Variants in RBFOX1 observed in about 807,000 individuals in gnomAD.
RBFOX1 encodes the protein RNA binding fox-1 homolog 1.
RBFOX1 carries 8 observed loss-of-function variants against 57.7 expected under a neutral mutation model. That is an observed-to-expected ratio of 0.14 (90% CI 0.08 to 0.25). RBFOX1 has a LOEUF of 0.25. Among genes scored for constraint, RBFOX1 ranks in the 10% least tolerant of loss-of-function variants. The pLI is 1.00. For synonymous variants in RBFOX1, 326 were observed against 222.4 expected (o/e 1.47, Z -4.15); for missense variants, 611 against 548.5 (o/e 1.11, Z -1.14).
At chr16:5,382,670 A>G (rs2066160036) in intron 1 of RBFOX1, among the ~76,000 whole-genome samples, 1 of 152,182 alleles carries the variant, frequency 6.6e-6, no homozygotes, top group African/African-American at 2.4e-5. Flanking sequence ...CTTCAATGAA[A>G]TTGTGCTGAC....
chr16:6,994,990 A>C (rs1038755268), intron 3 of RBFOX1, among the ~76,000 whole-genome samples: 1 of 140,840 alleles, frequency 7.1e-6, no homozygotes, highest in Non-Finnish European at 1.5e-5. Flanking sequence ...ATTGTATTTA[A>C]AAATGTGTTT....
intron 4 of RBFOX1, among the ~76,000 whole-genome samples, chr16:7,369,415 TCTCA>T (rs1463039377): frequency 6.6e-6 from 1 of 152,024 alleles, no homozygotes; most frequent in African/African-American, 2.4e-5. Flanking sequence ...TCATCTCTCC[TCTCA>T]CTATTAATTC....
chr16:6,799,513 G>C (rs557401549), intron 3 of RBFOX1, among the ~76,000 whole-genome samples: 1 of 152,130 alleles, frequency 6.6e-6, no homozygotes, highest in African/African-American at 2.4e-5. Flanking sequence ...GATGCCTAGA[G>C]AGCTGGTGAA....
intron 3 of RBFOX1, among the ~76,000 whole-genome samples, chr16:7,013,948 G>A (rs891089810): frequency 2.0e-5 from 3 of 152,106 alleles, no homozygotes; most frequent in Non-Finnish European, 2.9e-5. Context: ...TTGAGCCACG[G>A]CGCTTGGCTA....
chr16:5,632,924 G>T (rs918983411), intron 3 of RBFOX1, among the ~76,000 whole-genome samples: 4 of 145,046 alleles, frequency 2.8e-5, no homozygotes, highest in African/African-American at 7.7e-5. Context: ...TCCTGGGCTT[G>T]CAATCTTAAC....
At chr16:6,047,914 A>C (rs2095512402) in intron 1 of RBFOX1, among the ~76,000 whole-genome samples, 2 of 152,028 alleles carry the variant, frequency 1.3e-5, no homozygotes, top group African/African-American at 4.8e-5. Context: ...TAAAGCTTGG[A>C]CTCTAGGATT....
intron 1 of RBFOX1, among the ~76,000 whole-genome samples, chr16:5,269,391 G>C (rs2062946816): frequency 6.6e-6 from 1 of 152,240 alleles, no homozygotes; most frequent in African/African-American, 2.4e-5. Flanking sequence ...AAAAATGAAA[G>C]CACAGGTCCA....
At chr16:6,290,825 A>G (rs1287090187) in intron 1 of RBFOX1, among the ~76,000 whole-genome samples, 1 of 152,208 alleles carries the variant, frequency 6.6e-6, no homozygotes, top group Non-Finnish European at 1.5e-5. Context: ...GTCCAAATCC[A>G]GACCCCTAGA....
chr16:6,731,235 G>A (rs1375830156), intron 3 of RBFOX1, among the ~76,000 whole-genome samples: 1 of 152,174 alleles, frequency 6.6e-6, no homozygotes, highest in African/African-American at 2.4e-5. Flanking sequence ...AGATACTGAA[G>A]GCTAATGGGA....
At chr16:5,643,948 A>C (rs1271233916) in intron 3 of RBFOX1, among the ~76,000 whole-genome samples, 2 of 152,222 alleles carry the variant, frequency 1.3e-5, no homozygotes, top group Non-Finnish European at 2.9e-5. Flanking sequence ...GGGCCTATTT[A>C]ATTTCTTACA....
chr16:6,793,937 A>G (rs1363399640), intron 3 of RBFOX1, among the ~76,000 whole-genome samples: 1 of 152,128 alleles, frequency 6.6e-6, no homozygotes, highest in African/African-American at 2.4e-5. Flanking sequence ...GTGATCACAT[A>G]CTGAGATGAA....
At chr16:5,365,981 A>C (rs1284500024) in intron 1 of RBFOX1, 1 of 498,102 alleles carries the variant, frequency 2.0e-6, no homozygotes, top group African/African-American at 1.9e-5. Flanking sequence ...TTGTGGAAGC[A>C]GAGGCAGTGA....
At chr16:6,377,931 T>C (rs1053200945) in intron 2 of RBFOX1, among the ~76,000 whole-genome samples, 1 of 152,136 alleles carries the variant, frequency 6.6e-6, no homozygotes, top group Non-Finnish European at 1.5e-5. Flanking sequence ...TTCTCAAAGA[T>C]GATTCCTGAT....
chr16:7,666,229 C>T (rs747107079), intron 13 of RBFOX1, among the ~76,000 whole-genome samples: 1 of 152,122 alleles, frequency 6.6e-6, no homozygotes, highest in Non-Finnish European at 1.5e-5. Flanking sequence ...CGACTCCATG[C>T]AGCCCATGGG....
intron 4 of RBFOX1, among the ~76,000 whole-genome samples, chr16:7,382,675 T>A (rs1300538202): frequency 6.6e-6 from 1 of 152,246 alleles, no homozygotes. Flanking sequence ...CATCCTGGAT[T>A]CATTTTCTAA....
intron 4 of RBFOX1, among the ~76,000 whole-genome samples, chr16:7,437,812 C>T (rs2098734824): frequency 6.6e-6 from 1 of 151,566 alleles, no homozygotes; most frequent in Non-Finnish European, 1.5e-5. Context: ...TTTAGATGTG[C>T]TGGTCGGCCC....
chr16:6,662,050 A>C (rs1465988548), intron 3 of RBFOX1, among the ~76,000 whole-genome samples: 1 of 151,906 alleles, frequency 6.6e-6, no homozygotes, highest in Non-Finnish European at 1.5e-5. Flanking sequence ...CAAATACTAC[A>C]TGAGCTCACT....
chr16:5,534,716 C>T (rs919013290), intron 2 of RBFOX1, among the ~76,000 whole-genome samples: 1 of 152,140 alleles, frequency 6.6e-6, no homozygotes, highest in Admixed American at 6.5e-5. Flanking sequence ...ACGTGTTAAC[C>T]TTCCCTGGGA....
intron 4 of RBFOX1, among the ~76,000 whole-genome samples, chr16:7,443,682 A>G (rs914519152): frequency 6.6e-6 from 1 of 152,188 alleles, no homozygotes; most frequent in Non-Finnish European, 1.5e-5. Context: ...TTCTGTATAT[A>G]TCTACTTTTC....
Sources: allele counts gnomAD v4.1 joint callset (sites outside exome capture counted in the v4.1 genomes callset), GRCh38; gene constraint gnomAD v4.1.1; transcripts MANE v1.5; gene names NCBI Gene and HGNC (gene_info 2026-07-23, HGNC 2026-07-21).